Variants in CSMD3 observed in about 807,000 individuals in gnomAD.
The protein encoded by CSMD3 is CUB and sushi domain-containing protein 3.
A neutral mutation model predicts 435.2 loss-of-function variants in CSMD3; 177 were observed. The observed-to-expected ratio is 0.41, with a 90% confidence interval of 0.36 to 0.46. The LOEUF (loss-of-function observed/expected upper bound fraction) is 0.46. CSMD3 is among the 20% of genes least tolerant of loss of function. The pLI is 0.34. For missense variants in CSMD3, 4,265 were observed against 4,504.6 expected, an observed-to-expected ratio of 0.95 and a Z score of 1.52; for synonymous variants, 1,656 against 1,520.5, an observed-to-expected ratio of 1.09 and a Z score of -2.07.
At chr8:112,968,835 T>C (rs2084527337) in intron 7 of CSMD3, among the ~76,000 whole-genome samples, 1 of 152,000 alleles carries the variant, frequency 6.6e-6, no homozygotes, top group South Asian at 2.1e-4. Flanking sequence ...TTAGTATCCA[T>C]AAAAATATAT....
intron 38 of CSMD3, among the ~76,000 whole-genome samples, chr8:112,364,501 G>A (rs1827569525): frequency 6.6e-6 from 1 of 152,032 alleles, no homozygotes; most frequent in Admixed American, 6.6e-5. Flanking sequence ...ATGTAATTCT[G>A]CTCATTGATT....
chr8:113,277,388 A>G (rs1468769310), intron 3 of CSMD3, among the ~76,000 whole-genome samples: 1 of 151,998 alleles, frequency 6.6e-6, no homozygotes, highest in Non-Finnish European at 1.5e-5. Context: ...ATAATGTTCA[A>G]AACTGCTGCT....
intron 41 of CSMD3, among the ~76,000 whole-genome samples, chr8:112,345,870 A>G (rs1825619677): frequency 6.6e-6 from 1 of 152,122 alleles, no homozygotes; most frequent in Admixed American, 6.5e-5. Context: ...AGAGTAAAAA[A>G]AAAATATGCC....
intron 3 of CSMD3, among the ~76,000 whole-genome samples, chr8:113,209,263 A>G (rs989695745): frequency 2.6e-5 from 4 of 152,172 alleles, no homozygotes; most frequent in Admixed American, 6.5e-5. Flanking sequence ...GTGGGAACAG[A>G]TAACTTTGGT....
chr8:113,377,065 A>G, intron 1 of CSMD3: 1 of 1,307,608 alleles, frequency 7.6e-7, no homozygotes, highest in Non-Finnish European at 9.8e-7. Flanking sequence ...GCGGGGCAAG[A>G]GCCTCACTTT....
intron 1 of CSMD3, chr8:113,377,338 G>C (rs2094392389): frequency 5.4e-6 from 1 of 185,310 alleles, no homozygotes; most frequent in Non-Finnish European, 1.1e-5. Flanking sequence ...TTAAAATACA[G>C]AAAAGAATAA....
intron 32 of CSMD3, among the ~76,000 whole-genome samples, chr8:112,419,407 T>A (rs1000615976): frequency 6.6e-6 from 1 of 152,110 alleles, no homozygotes; most frequent in Non-Finnish European, 1.5e-5. Context: ...TGCTATTTTG[T>A]AGTAATTAGG....
rs1401484333 is a variant in CSMD3, at chr8:112,311,013, T to C, written c.7850A>G (p.Tyr2617Cys). The C allele has an allele frequency of 4.3e-6, 7 of 1,613,930 alleles. No homozygotes were observed. The highest frequency in any genetic ancestry group is 1.3e-5 in the African/African-American group (1 of 74,920). ...AGGGACTGGCGCATCCCATGCATGA[T>C]ACCCATAGGAAGACTTTCTGCACAC... ...SAVCRKSSYG[Y>C]HAWDAPVPAC... is the part of the protein sequence containing the mutation. Residue 2617 changes from tyrosine (Y) to cysteine (C), a missense_variant, in exon 50 of 71, where the codon TAT becomes TGT. Tyr to Cys is a radical substitution (Grantham distance 194). Transcript: ENST00000297405.
intron 5 of CSMD3, among the ~76,000 whole-genome samples, chr8:113,038,871 T>C (rs1378095511): frequency 6.6e-6 from 1 of 152,176 alleles, no homozygotes; most frequent in Non-Finnish European, 1.5e-5. Flanking sequence ...TGCTTTTTCT[T>C]TGGGGATGTT....
chr8:112,625,144 T>C (rs1294756855), intron 22 of CSMD3, among the ~76,000 whole-genome samples: 2 of 152,004 alleles, frequency 1.3e-5, no homozygotes, highest in African/African-American at 2.4e-5. Flanking sequence ...TCCAAAGTCA[T>C]AGGAAATTTG....
Position 112,656,220 on chromosome 8 carries a change from A to T in CSMD3, c.2938T>A (p.Phe980Ile), listed in dbSNP as rs567330442. The T allele has an allele frequency of 1.3e-6, 2 of 1,594,612 alleles. No homozygotes were observed. Among genetic ancestry groups the T allele is most frequent in the East Asian group, 4.5e-5 (2 of 44,674 alleles). Reference sequence around the variant, plus strand: ...TCTGTTGTAAATAGAAGGTATATAAAATTACTGCTACTAAATAGAAACTGG... The same window carrying T: ...TCTGTTGTAAATAGAAGGTATATAATATTACTGCTACTAAATAGAAACTGG... ...VPQFLFSSSN[F>I]IYLLFTTDNS... The change falls in exon 18 of 71, where the codon TTT (phenylalanine) becomes ATT (isoleucine). Residue 980 changes from phenylalanine to isoleucine, a missense_variant. Around this residue, in one of 3 missense-constraint regions of CSMD3, gnomAD observed 3,255 missense variants for 3,380.2 expected, o/e 0.96. Transcript: ENST00000297405.
At chr8:112,534,287 A>G (rs1355044148) in intron 27 of CSMD3, among the ~76,000 whole-genome samples, 2 of 152,278 alleles carry the variant, frequency 1.3e-5, no homozygotes, top group Non-Finnish European at 2.9e-5. Context: ...CAAGACTAAT[A>G]AAGAAGAAAA....
intron 1 of CSMD3, among the ~76,000 whole-genome samples, chr8:113,370,637 G>T (rs1204506840): frequency 6.6e-6 from 1 of 151,786 alleles, no homozygotes; most frequent in Non-Finnish European, 1.5e-5. Context: ...TCATTTCTCA[G>T]TTATTTTACT....
At chr8:112,426,827 T>C (rs1813115754) in intron 32 of CSMD3, among the ~76,000 whole-genome samples, 1 of 152,226 alleles carries the variant, frequency 6.6e-6, no homozygotes, top group South Asian at 2.1e-4. Flanking sequence ...GTGCAATGAA[T>C]GTGGAAACTC....
At chr8:113,332,380 G>T (rs939679990) in intron 1 of CSMD3, among the ~76,000 whole-genome samples, 1 of 147,070 alleles carries the variant, frequency 6.8e-6, no homozygotes, top group Non-Finnish European at 1.5e-5. Context: ...CCTGTATATA[G>T]AAAACCCTAA....
At chr8:112,807,488 A>G (rs1016525805) in intron 12 of CSMD3, among the ~76,000 whole-genome samples, 5 of 129,158 alleles carry the variant, frequency 3.9e-5, no homozygotes, top group Admixed American at 3.7e-4. Context: ...GCAATTCTTG[A>G]TAGGTAGGTA....
At chr8:112,366,582 G>T (rs62514438) in intron 38 of CSMD3, among the ~76,000 whole-genome samples, 30,934 of 151,910 alleles carry the variant, frequency 0.2, 3,681 homozygotes, top group East Asian at 0.39. Flanking sequence ...ATTTTTGGTA[G>T]AGATAGGGTT....
chr8:112,783,093 G>A (rs2078435194), intron 13 of CSMD3, among the ~76,000 whole-genome samples: 1 of 151,928 alleles, frequency 6.6e-6, no homozygotes, highest in African/African-American at 2.4e-5. Context: ...TTAGTGGGAA[G>A]GCTAAAATAT....
intron 47 of CSMD3, among the ~76,000 whole-genome samples, chr8:112,316,747 C>T (rs1032647526): frequency 7.2e-5 from 11 of 151,862 alleles, no homozygotes; most frequent in African/African-American, 2.7e-4. Flanking sequence ...GATTCAGTTG[C>T]AGCCAATGTT....
Sources: gnomAD v4.1 joint callset for allele counts (sites outside exome capture counted in the v4.1 genomes callset) on GRCh38, gnomAD v4.1.1 for gene constraint, gnomAD v4.1.1 regional missense constraint, MANE v1.5 for transcripts, NCBI Gene and HGNC (gene_info 2026-07-23, HGNC 2026-07-21) for gene names.